Variants in HMGN3 observed in about 807,000 individuals in gnomAD.
HMGN3 encodes the protein high mobility group nucleosomal binding domain 3, also known as high mobility group nucleosome-binding domain-containing protein 3.
A neutral mutation model predicts 18.8 loss-of-function variants in HMGN3; 6 were observed. That is an observed-to-expected ratio of 0.32 (90% CI 0.18 to 0.63). The LOEUF (loss-of-function observed/expected upper bound fraction) is 0.63, where lower values mean the gene tolerates loss of function less well. HMGN3 is among the 30% of genes least tolerant of loss of function. The probability of loss-of-function intolerance (pLI) is 0.79; values close to 1 mark genes in which losing one functional copy is unlikely to be tolerated. For synonymous variants in HMGN3, 40 were observed against 36.5 expected (o/e 1.10, Z -0.35); for missense variants, 107 against 114.2 (o/e 0.94, Z 0.29).
At chr6:79,203,520 T>C in intron 4 of HMGN3, 60 bp downstream of exon 4, 2 of 1,282,652 alleles carry the variant, frequency 1.6e-6, no homozygotes, top group South Asian at 2.4e-5. Context: ...GATTCTGAGG[T>C]AGGGAATTAT....
chr6:79,231,698 C>A (rs1273616166), intron 1 of HMGN3, among the ~76,000 whole-genome samples: 1 of 152,136 alleles, frequency 6.6e-6, no homozygotes, highest in African/African-American at 2.4e-5. Context: ...CACTTGAATA[C>A]CTGGTAACAA....
intron 1 of HMGN3, 65 bp from the exon 2 acceptor site, chr6:79,215,087 TAA>T: frequency 1.0e-6 from 1 of 985,718 alleles, no homozygotes; most frequent in Non-Finnish European, 1.5e-6. Flanking sequence ...AAAATGTTTT[TAA>T]AAAGTTATCT....
At chr6:79,201,592 C>T (rs1776137649) in exon 6 of HMGN3, 8 of 842,950 alleles carry the variant, frequency 9.5e-6, no homozygotes, top group Non-Finnish European at 1.4e-5. Context: ...CTAGTAGAGT[C>T]CTAAAAAATT....
chr6:79,222,443 CA>C (rs1194658831), intron 1 of HMGN3, among the ~76,000 whole-genome samples: 1 of 152,128 alleles, frequency 6.6e-6, no homozygotes, highest in Non-Finnish European at 1.5e-5. Flanking sequence ...CTACTTAACA[CA>C]AGGTTAATTC....
At chr6:79,225,823 C>T (rs1777540425) in intron 1 of HMGN3, among the ~76,000 whole-genome samples, 1 of 152,172 alleles carries the variant, frequency 6.6e-6, no homozygotes, top group South Asian at 2.1e-4. Flanking sequence ...GGTAATGCTC[C>T]TCTCTTACCA....
intron 5 of HMGN3, 47 bp downstream of exon 6, chr6:79,202,016 G>A: frequency 6.6e-7 from 1 of 1,513,046 alleles, no homozygotes; most frequent in Non-Finnish European, 8.8e-7. Context: ...ACTACTATCT[G>A]ATTCTAGTCA....
chr6:79,201,779 A>C, intron 5 of HMGN3, 53 bp from the exon 7 acceptor site: 1 of 1,587,274 alleles, frequency 6.3e-7, no homozygotes, highest in Non-Finnish European at 8.5e-7. Flanking sequence ...AACTACTATA[A>C]GCAAAGGAAA....
chr6:79,217,193 C>A (rs1457370852), intron 1 of HMGN3, among the ~76,000 whole-genome samples: 1 of 152,208 alleles, frequency 6.6e-6, no homozygotes, highest in East Asian at 1.9e-4. Context: ...GCTAGCAAAG[C>A]TCGTTTCTCT....
At chr6:79,201,250 C>T (rs192168635) in exon 6 of HMGN3, 3 of 156,942 alleles carry the variant, frequency 1.9e-5, no homozygotes, top group East Asian at 3.7e-4. Context: ...AGGTATTCTG[C>T]AGACAAGTAA....
At chr6:79,221,857 T>C (rs940089858) in intron 1 of HMGN3, among the ~76,000 whole-genome samples, 3 of 78,534 alleles carry the variant, frequency 3.8e-5, no homozygotes, top group Admixed American at 1.7e-4. Flanking sequence ...ACCTTTCTTA[T>C]GTTAAACTTC....
At chr6:79,214,977 G>T in exon 2 of HMGN3, 1 of 1,489,740 alleles carries the variant, frequency 6.7e-7, no homozygotes, top group Non-Finnish European at 9.2e-7. Context: ...CTTACCTCCT[G>T]TTTAGTTACT....
exon 6 of HMGN3, chr6:79,201,618 C>T (rs1776138710): frequency 1.9e-6 from 2 of 1,064,444 alleles, no homozygotes; most frequent in Admixed American, 1.9e-5. Context: ...TTACAAAATA[C>T]TTGGTAAAAA....
Position 79,201,753 on chromosome 6 carries a change from A to G in HMGN3, c.262-27T>C, listed in dbSNP as rs768576918. The G allele has an allele frequency of 5.6e-6, 9 of 1,603,054 alleles. No individual in the cohort carries two copies. The South Asian group carries it at 8.9e-5, about 16-fold the overall frequency. ...TGTGAAAAAGAAAGGAAAAAAAAAC[A>G]TATAGTTACTACTGAAACTACTATA... On this transcript the variant is annotated intron_variant, in intron 5 of 5. Transcript: ENST00000344726.
intron 1 of HMGN3, among the ~76,000 whole-genome samples, chr6:79,232,348 G>A (rs1777884586): frequency 6.6e-6 from 1 of 152,254 alleles, no homozygotes; most frequent in Middle Eastern, 3.4e-3. Flanking sequence ...CATGATCGCC[G>A]TGTTTAATCT....
chr6:79,218,132 T>C (rs1415622916), intron 1 of HMGN3, among the ~76,000 whole-genome samples: 2 of 152,268 alleles, frequency 1.3e-5, no homozygotes, highest in African/African-American at 4.8e-5. Flanking sequence ...GCTGCTTATG[T>C]GAGGATACTC....
At chr6:79,219,621 T>C (rs143771915) in intron 1 of HMGN3, among the ~76,000 whole-genome samples, 1 of 152,238 alleles carries the variant, frequency 6.6e-6, no homozygotes, top group African/African-American at 2.4e-5. Context: ...CCTACAGAAA[T>C]ACAACATATA....
intron 5 of HMGN3, 94 bp downstream of exon 6, chr6:79,201,969 C>G: frequency 6.8e-7 from 1 of 1,463,238 alleles, no homozygotes; most frequent in Non-Finnish European, 9.0e-7. Flanking sequence ...CCTGCAAGCT[C>G]CCACTCTTCA....
rs548556320 is a variant in HMGN3 at position 79,222,232 on chromosome 6, G to A, written c.16-7210C>T. 5.1e-4 allele frequency among the ~76,000 whole-genome samples: 78 copies of A among 152,134 alleles called. No individual in the cohort carries two copies. The South Asian group carries it at 0.016, about 31-fold the overall frequency. On this transcript the variant is annotated intron_variant, in intron 1 of 5. Coordinates refer to ENST00000344726, the Ensembl canonical transcript of HMGN3. ...CATTGAGATAATCTTTTTCTAATTT[G>A]CTGGCCAATGTTTTAAAATTATTAC... is the stretch of plus-strand genomic sequence containing the variant.
intron 2 of HMGN3, 42 bp downstream of exon 2, chr6:79,214,930 C>A: frequency 9.6e-7 from 1 of 1,045,698 alleles, no homozygotes; most frequent in South Asian, 1.4e-5. Context: ...TTAAACATTT[C>A]AATGTAAATA....
Sources: allele counts gnomAD v4.1 joint callset (sites outside exome capture counted in the v4.1 genomes callset), GRCh38; gene constraint gnomAD v4.1.1; transcripts MANE v1.5; gene names NCBI Gene and HGNC (gene_info 2026-07-23, HGNC 2026-07-21).